Variants in ATP11A observed in about 807,000 individuals in gnomAD.
The protein encoded by ATP11A is phospholipid-transporting ATPase IH.
A neutral mutation model predicts 154.4 loss-of-function variants in ATP11A; 81 were observed. That is an observed-to-expected ratio of 0.52 (90% confidence interval 0.44 to 0.63). The LOEUF is 0.63. Ranked by LOEUF, ATP11A falls within the 30% of genes least tolerant of loss-of-function variation. ATP11A has a pLI of 0.00. For missense variants in ATP11A, 1,316 were observed against 1,474.3 expected (o/e 0.89, Z 1.76); for synonymous variants, 623 against 585.9 (o/e 1.06, Z -0.91).
At chr13:112,771,118 T>A (rs962552023) in intron 1 of ATP11A, among the ~76,000 whole-genome samples, 1 of 152,214 alleles carries the variant, frequency 6.6e-6, no homozygotes, top group African/African-American at 2.4e-5. Context: ...TTAAAAAATC[T>A]CCTTTGTCCC....
chr13:112,779,938 C>T (rs1186700293), intron 1 of ATP11A, among the ~76,000 whole-genome samples: 4 of 152,004 alleles, frequency 2.6e-5, no homozygotes, highest in Admixed American at 2.6e-4. Context: ...ATGACATTTT[C>T]CTCTAAGGTA....
At chr13:112,835,183 C>T (rs749611462) in intron 15 of ATP11A, among the ~76,000 whole-genome samples, 6 of 152,016 alleles carry the variant, frequency 3.9e-5, no homozygotes, top group Non-Finnish European at 7.4e-5. Context: ...TAAAACTCTT[C>T]CCATTTTTTA....
rs1437062482 is a variant in ATP11A, at chr13:112,885,072, C to T, written c.*3206C>T. On this transcript the variant is annotated 3_prime_UTR_variant, in exon 30 of 30. Transcript: ENST00000375645. ...ACGTGTACACAAGTGTGAGCTCCTACACGCATACACACACACACGTGTACA... is the reference window on the plus strand; with the variant it reads ...ACGTGTACACAAGTGTGAGCTCCTATACGCATACACACACACACGTGTACA... 6.6e-6 allele frequency: 1 copy of T among 150,628 alleles called. No homozygotes were observed. Among genetic ancestry groups the T allele is most frequent in the Non-Finnish European group, 1.5e-5 (1 of 68,038 alleles). The allele number at this position is 150,628 out of a possible 1,614,324, so 9.3% of individuals were successfully genotyped here.
chr13:112,725,160 C>T (rs1889689272), intron 1 of ATP11A, among the ~76,000 whole-genome samples: 1 of 152,184 alleles, frequency 6.6e-6, no homozygotes, highest in African/African-American at 2.4e-5. Flanking sequence ...AGAGACACTG[C>T]AAACCCCCCT....
chr13:112,762,534 T>C (rs1475001821), intron 1 of ATP11A, among the ~76,000 whole-genome samples: 2 of 152,028 alleles, frequency 1.3e-5, no homozygotes, highest in Non-Finnish European at 2.9e-5. Context: ...GATAAACTCC[T>C]TCAGGATACT....
chr13:112,865,670 T>G (rs1489375624), intron 25 of ATP11A, among the ~76,000 whole-genome samples: 1 of 152,182 alleles, frequency 6.6e-6, no homozygotes, highest in African/African-American at 2.4e-5. Context: ...CTGCCTCAGC[T>G]TCCCAAGTAG....
chr13:112,762,706 C>T (rs966628245), intron 1 of ATP11A, among the ~76,000 whole-genome samples: 24 of 152,160 alleles, frequency 1.6e-4, no homozygotes, highest in African/African-American at 5.8e-4. Flanking sequence ...GCTCGAAACC[C>T]AGTTATGCTC....
chr13:112,775,412 A>T (rs1594643073), intron 1 of ATP11A, among the ~76,000 whole-genome samples: 1 of 151,730 alleles, frequency 6.6e-6, no homozygotes, highest in Non-Finnish European at 1.5e-5. Context: ...GACAGGAGGA[A>T]CCCCTCCCAG....
At position 112,732,621 on chromosome 13, in the gene ATP11A, A is replaced by G. The variant is rs566331514; in HGVS notation, c.39+42166A>G. Among the ~76,000 whole-genome samples, 90 of 152,162 alleles carry G rather than the reference A, an allele frequency of 5.9e-4. 1 individual carries two copies. The highest frequency in any genetic ancestry group is 7.0e-4 in the African/African-American group (29 of 41,524). ...CTGCCTCTAGTTTGTTTGTTTGTTT[A>G]TTTATTTTGAGACAGAGTCTCGCTT... is the stretch of plus-strand genomic sequence containing the variant. On this transcript the variant is annotated intron_variant, in intron 1 of 29. Coordinates refer to ENST00000375645, the MANE Select transcript of ATP11A (RefSeq NM_015205.3).
rs1217503614 is a variant in ATP11A, at chr13:112,755,243, G to C, written c.40-29892G>C. ...TGCAGGCTGCACGTGGACTGGGGGCGGGTCTGTGGGCCTCTGCTTCACAGG... is the reference window on the plus strand; with the variant it reads ...TGCAGGCTGCACGTGGACTGGGGGCCGGTCTGTGGGCCTCTGCTTCACAGG... On this transcript the variant is annotated intron_variant, in intron 1 of 29. Coordinates refer to ENST00000375645, the MANE Select transcript of ATP11A (RefSeq NM_015205.3). Among the ~76,000 whole-genome samples the C allele has an allele frequency of 3.9e-5, 6 of 152,278 alleles. No homozygotes were observed. The East Asian group carries it at 1.2e-3, about 29-fold the overall frequency.
rs375710420 is a variant in ATP11A at position 112,813,012 on chromosome 13, G to A, written c.441+2286G>A. Among the ~76,000 whole-genome samples, 163 of 152,276 alleles carry A rather than the reference G, an allele frequency of 1.1e-3. 2 individuals are homozygous for A. The South Asian group carries it at 0.032, about 29-fold the overall frequency. ...GCCCACAGAAAATTGAATTTTTAATGTATCGGTCTTCTGTGGGAAATGCCA... is the reference window on the plus strand; with the variant it reads ...GCCCACAGAAAATTGAATTTTTAATATATCGGTCTTCTGTGGGAAATGCCA... On this transcript the variant is annotated intron_variant, in intron 5 of 29. Coordinates refer to ENST00000375645, the MANE Select transcript of ATP11A (RefSeq NM_015205.3).
chr13:112,796,385 A>G (rs886279987), intron 2 of ATP11A, among the ~76,000 whole-genome samples: 2 of 152,214 alleles, frequency 1.3e-5, no homozygotes, highest in Non-Finnish European at 2.9e-5. Flanking sequence ...GGAGGTGATT[A>G]TAGAACTATT....
chr13:112,831,613 ACCC>A, intron 13 of ATP11A, 65 bp downstream of exon 13: 2 of 1,548,524 alleles, frequency 1.3e-6, no homozygotes, highest in Non-Finnish European at 1.8e-6. Flanking sequence ...TGCTGAGTCC[ACCC>A]CTTTTCACTC....
chr13:112,885,389 G>GCA lies in ATP11A; in HGVS notation c.*3527_*3528dup, dbSNP rs1388688001. Reference sequence around the variant, plus strand: ...ATTCACTACAAACGTGCAGCCTCCTGCACACGTGCACATTCATGTGTACAC... The same window carrying GCA: ...ATTCACTACAAACGTGCAGCCTCCTGCACACACGTGCACATTCATGTGTACAC... On this transcript the variant is annotated 3_prime_UTR_variant, in exon 30 of 30. Transcript: ENST00000375645. 2.0e-5 allele frequency: 3 copies of GCA among 152,226 alleles called. No homozygotes were observed. Among genetic ancestry groups the GCA allele is most frequent in the African/African-American group, 7.2e-5 (3 of 41,428 alleles). The allele number at this position is 152,226 out of a possible 1,614,324, so 9.4% of individuals were successfully genotyped here.
At chr13:112,823,792 C>T (rs565775067) in intron 9 of ATP11A, among the ~76,000 whole-genome samples, 10 of 152,194 alleles carry the variant, frequency 6.6e-5, no homozygotes, top group African/African-American at 2.4e-4. Context: ...ACAAGTGTGC[C>T]CCACTGTCAG....
intron 18 of ATP11A, among the ~76,000 whole-genome samples, chr13:112,852,828 TAA>T (rs2079809929): frequency 6.6e-6 from 1 of 151,804 alleles, no homozygotes; most frequent in Admixed American, 6.6e-5. Context: ...TACTTGCTTA[TAA>T]ATTATTTCCT....
At chr13:112,828,118 G>GGA (rs1555333890) in intron 12 of ATP11A, among the ~76,000 whole-genome samples, 13 of 122,432 alleles carry the variant, frequency 1.1e-4, no homozygotes, top group Non-Finnish European at 1.5e-4. Context: ...TGAGTGGGGG[G>GGA]AAGCGCCCAG....
rs1957395893 is a variant in ATP11A, at chr13:112,881,640, C to T, written c.*10-236C>T. ...GAGACCCCTCGCCTCCATATGGCTT[C>T]TCTGGTGGGGTGGATCCCGCCCGGC... is the stretch of plus-strand genomic sequence containing the variant. On this transcript the variant is annotated intron_variant, in intron 29 of 29. Coordinates refer to ENST00000375645, the MANE Select transcript of ATP11A (RefSeq NM_015205.3). 1.3e-5 allele frequency: 16 copies of T among 1,194,146 alleles called. No homozygotes were observed. The South Asian group carries it at 2.3e-4, about 17-fold the overall frequency. The allele number at this position is 1,194,146 out of a possible 1,614,324, so 74.0% of individuals were successfully genotyped here.
rs1430856373 is a variant in ATP11A at position 112,857,867 on chromosome 13, T to C, written c.2468T>C (p.Ile823Thr). The C allele has an allele frequency of 5.0e-6, 8 of 1,614,108 alleles. No individual in the cohort carries two copies. The African/African-American group carries it at 8.0e-5, about 16-fold the overall frequency. Residue 823 changes from isoleucine (I) to threonine (T), a missense_variant, in exon 21 of 30, where the codon ATT (isoleucine) becomes ACT (threonine). By Grantham distance (89) the Ile-to-Thr change is moderately conservative. Transcript: ENST00000375645. ...FSKEHPITLA[I>T]GDGANDVSMI... is the part of the protein sequence containing the mutation. ...AAAGAGCACCCAATCACGTTAGCAA[T>C]TGGCGATGGTGCAAATGATGTCAGC...
Sources: gnomAD v4.1 joint callset for allele counts (sites outside exome capture counted in the v4.1 genomes callset) on GRCh38, gnomAD v4.1.1 for gene constraint, MANE v1.5 for transcripts, NCBI Gene and HGNC (gene_info 2026-07-23, HGNC 2026-07-21) for gene names.